The following TRAM2 variants were observed in gnomAD, a reference collection of about 807,000 sequenced individuals.
The protein encoded by TRAM2 is translocating chain-associated membrane protein 2.
TRAM2 carries 12 observed loss-of-function variants against 51.0 expected under a neutral mutation model. The ratio of observed to expected loss-of-function variants is 0.24; its 90% CI spans 0.15 to 0.38. The LOEUF is 0.38. Ranked by LOEUF, TRAM2 falls within the 10% of genes least tolerant of loss-of-function variation. The pLI, the probability that TRAM2 is intolerant of heterozygous loss-of-function variation, is 1.00. For missense variants in TRAM2, 361 were observed against 462.0 expected (o/e 0.78, Z 2.00); for synonymous variants, 175 against 179.4 (o/e 0.98, Z 0.20).
intron 1 of TRAM2, among the ~76,000 whole-genome samples, chr6:52,539,019 T>C (rs1445598751): frequency 2.0e-5 from 3 of 152,226 alleles, no homozygotes; most frequent in Admixed American, 6.5e-5. Context: ...ATATTGTTGA[T>C]TCATTAACAT....
At chr6:52,540,396 C>T (rs1767057120) in intron 1 of TRAM2, among the ~76,000 whole-genome samples, 1 of 152,138 alleles carries the variant, frequency 6.6e-6, no homozygotes, top group Admixed American at 6.5e-5. Flanking sequence ...AGGAATGAGG[C>T]TGATCCACAA....
At position 52,500,507 on chromosome 6, in the gene TRAM2, A is replaced by G. The variant is rs1766189236; in HGVS notation, c.*2690T>C. 3 of 147,012 alleles carry G rather than the reference A, an allele frequency of 2.0e-5. No individual in the cohort carries two copies. Among genetic ancestry groups the G allele is most frequent in the Admixed American group, 2.0e-4 (3 of 14,834 alleles). 9.1% of individuals were successfully genotyped at this position (147,012 alleles called of 1,614,324 possible). A position where few individuals can be genotyped will look rare whatever the true frequency, so the allele number is the denominator to read the frequency against. On this transcript the variant is annotated 3_prime_UTR_variant, in exon 11 of 11. Transcript: ENST00000182527. ...GGCTGGCAAGATGCCAGCCCCACTC[A>G]TGGTCTCAGGGTTTTTTTTTGTTTT...
intron 2 of TRAM2, among the ~76,000 whole-genome samples, chr6:52,532,469 A>G (rs1447393111): frequency 2.0e-5 from 3 of 152,354 alleles, no homozygotes; most frequent in Non-Finnish European, 4.4e-5. Flanking sequence ...TATATTTACA[A>G]AACAACTTTA....
intron 2 of TRAM2, among the ~76,000 whole-genome samples, chr6:52,521,662 A>G (rs1441999809): frequency 6.6e-6 from 1 of 152,008 alleles, no homozygotes; most frequent in East Asian, 1.9e-4. Context: ...GCGCCACTGC[A>G]CTCTAGCCTG....
At chr6:52,563,851 ATTTT>A (rs11405487) in intron 1 of TRAM2, among the ~76,000 whole-genome samples, 1 of 137,098 alleles carries the variant, frequency 7.3e-6, no homozygotes. Context: ...AAAAACACTT[ATTTT>A]TTTTTTTTTT....
chr6:52,531,120 C>CA (rs35821052), intron 2 of TRAM2, among the ~76,000 whole-genome samples: 30,446 of 96,064 alleles, frequency 0.32, 5,414 homozygotes, highest in African/African-American at 0.46. Flanking sequence ...CCTGGTTATG[C>CA]AAAAAAAAAA....
At position 52,506,064 on chromosome 6, in the gene TRAM2, G is replaced by C. The variant is rs750436716; in HGVS notation, c.699C>G (p.Leu233=). ...STEFLFHTAR[L]FYFADENNEK... is the part of the protein sequence containing the mutation. ...CGTTGTTTTCATCTGCAAAGTAGAA[G>C]AGTCTAGCCGTGTGGAAGAGGAACT... Residue 233 remains leucine (L), a synonymous_variant, in exon 8 of 11, where the codon CTC becomes CTG. Coordinates refer to ENST00000182527, the MANE Select transcript of TRAM2 (RefSeq NM_012288.4). 1.9e-6 allele frequency: 3 copies of C among 1,614,094 alleles called. No homozygotes were observed. The highest frequency in any genetic ancestry group is 2.7e-5 in the African/African-American group (2 of 74,940).
At chr6:52,546,375 G>A (rs940920940) in intron 1 of TRAM2, among the ~76,000 whole-genome samples, 2 of 152,158 alleles carry the variant, frequency 1.3e-5, no homozygotes, top group African/African-American at 4.8e-5. Flanking sequence ...TCAAGCAGGG[G>A]ACAACCCAAG....
intron 1 of TRAM2, among the ~76,000 whole-genome samples, chr6:52,552,185 A>G (rs958653304): frequency 3.3e-5 from 5 of 152,360 alleles, no homozygotes; most frequent in Non-Finnish European, 7.4e-5. Flanking sequence ...CCTGGCTTCC[A>G]GCCTTAAAGA....
chr6:52,521,683 C>T (rs1011615570), intron 2 of TRAM2, among the ~76,000 whole-genome samples: 6 of 150,166 alleles, frequency 4.0e-5, no homozygotes, highest in Non-Finnish European at 5.9e-5. Flanking sequence ...GGAGACAGAG[C>T]GAGAGACTCC....
intron 2 of TRAM2, among the ~76,000 whole-genome samples, chr6:52,531,120 C>CTAA (rs1766882846): frequency 1.0e-5 from 1 of 96,298 alleles, no homozygotes; most frequent in Non-Finnish European, 1.9e-5. Flanking sequence ...CCTGGTTATG[C>CTAA]AAAAAAAAAA....
rs186343006 is a variant in TRAM2, at chr6:52,571,070, C to T, written c.120+5726G>A. The stretch of plus-strand genomic sequence containing the variant: ...AACCATGTTAGTACTTTTACTGTTT[C>T]CCCCCCACCCCTTTCTTTAACCATT... On this transcript the variant is annotated intron_variant, in intron 1 of 10. Coordinates refer to ENST00000182527, the MANE Select transcript of TRAM2 (RefSeq NM_012288.4). Among the ~76,000 whole-genome samples the T allele has an allele frequency of 2.2e-3, 318 of 144,994 alleles. 3 individuals carry two copies. Among genetic ancestry groups the T allele is most frequent in the African/African-American group, 8.3e-3 (291 of 34,998 alleles).
chr6:52,545,514 A>G (rs10948703), intron 1 of TRAM2, among the ~76,000 whole-genome samples: 14,987 of 152,230 alleles, frequency 0.098, 1,212 homozygotes, highest in Admixed American at 0.26. Flanking sequence ...GGAAAGAGGA[A>G]AGCAGCTCTC....
chr6:52,565,691 CA>C (rs1297202939), intron 1 of TRAM2, among the ~76,000 whole-genome samples: 1 of 152,216 alleles, frequency 6.6e-6, no homozygotes, highest in Non-Finnish European at 1.5e-5. Flanking sequence ...ACATGCACTT[CA>C]AAAAATTACT....
chr6:52,503,881 C>T (rs1387702122), intron 10 of TRAM2, among the ~76,000 whole-genome samples: 1 of 152,236 alleles, frequency 6.6e-6, no homozygotes, highest in Non-Finnish European at 1.5e-5. Context: ...CCCCGCCAGC[C>T]AGGCCTGACT....
chr6:52,513,361 T>C (rs2114067358), intron 4 of TRAM2, among the ~76,000 whole-genome samples: 1 of 152,368 alleles, frequency 6.6e-6, no homozygotes, highest in Non-Finnish European at 1.5e-5. Context: ...TCACTCATTC[T>C]CATAGCCAAC....
intron 1 of TRAM2, among the ~76,000 whole-genome samples, chr6:52,537,537 C>T (rs913073980): frequency 6.6e-6 from 1 of 152,166 alleles, no homozygotes; most frequent in Admixed American, 6.5e-5. Context: ...TGACCCACCT[C>T]AATTGTAACC....
intron 1 of TRAM2, among the ~76,000 whole-genome samples, chr6:52,549,260 C>T (rs534610997): frequency 1.4e-3 from 208 of 143,980 alleles, no homozygotes; most frequent in African/African-American, 5.3e-3. Flanking sequence ...CCTCCCTTCC[C>T]TCCTTCCCTC....
intron 9 of TRAM2, 96 bp from the exon 10 acceptor site, chr6:52,504,850 T>G: frequency 1.8e-6 from 2 of 1,131,756 alleles, no homozygotes; most frequent in Non-Finnish European, 2.5e-6. Context: ...GGCCCTGCAG[T>G]TCCCATGGCT....
Sources: gnomAD v4.1 joint callset for allele counts (sites outside exome capture counted in the v4.1 genomes callset) on GRCh38, gnomAD v4.1.1 for gene constraint, MANE v1.5 for transcripts, NCBI Gene and HGNC (gene_info 2026-07-23, HGNC 2026-07-21) for gene names.